The following XPC variants were observed in gnomAD, a reference collection of about 807,000 sequenced individuals.
The protein encoded by XPC is DNA repair protein complementing XP-C cells.
In XPC, 76 loss-of-function variants were observed where a neutral mutation model predicts 95.8. That is an observed-to-expected ratio of 0.79 (90% CI 0.66 to 0.96). The LOEUF (loss-of-function observed/expected upper bound fraction) is 0.96, where lower values mean the gene tolerates loss of function less well. Among genes scored for constraint, XPC ranks in the 40% least tolerant of loss-of-function variants. XPC has a pLI of 0.00. For synonymous variants in XPC, 442 were observed against 442.1 expected, an observed-to-expected ratio of 1.00 and a Z score of 0.00; for missense variants, 1,146 against 1,179.8, an observed-to-expected ratio of 0.97 and a Z score of 0.42.
rs1696583028 is a variant in XPC, at chr3:14,170,851, CA to C, written c.300-302del. Among the ~76,000 whole-genome samples, 4 of 152,052 alleles carry C rather than the reference CA, an allele frequency of 2.6e-5. No individual in the cohort carries two copies. The South Asian group carries it at 8.3e-4, about 31-fold the overall frequency. ...ATGACAAGGAAAAATTAGAAGACAC[CA>C]AAATAATAATGAGTTCCAGAACTGT... On this transcript the variant is annotated intron_variant, in intron 2 of 15. Transcript: ENST00000285021.
intron 7 of XPC, among the ~76,000 whole-genome samples, chr3:14,164,115 A>G (rs1450875803): frequency 6.6e-6 from 1 of 152,258 alleles, no homozygotes. Context: ...GCCTTGCCAA[A>G]TATCTTAGAC....
chr3:14,172,279 A>G (rs1327332939), intron 2 of XPC, among the ~76,000 whole-genome samples: 1 of 152,202 alleles, frequency 6.6e-6, no homozygotes, highest in Non-Finnish European at 1.5e-5. Context: ...GGTATGTGGC[A>G]TGGTAACAAT....
intron 3 of XPC, among the ~76,000 whole-genome samples, chr3:14,169,454 C>T (rs1382472625): frequency 1.3e-5 from 2 of 151,982 alleles, no homozygotes; most frequent in East Asian, 3.9e-4. Flanking sequence ...TAGGATCCTT[C>T]AAAAAAGGCA....
chr3:14,159,798 G>C lies in XPC; in HGVS notation c.933C>G (p.Leu311=). The C allele has an allele frequency of 1.3e-6, 2 of 1,560,416 alleles. No homozygotes were observed. Among genetic ancestry groups the C allele is most frequent in the South Asian group, 1.2e-5 (1 of 84,476 alleles). ...GTAGAGACAATACCAGCCGGGTCAA[G>C]AGCTGCAGAGCCCGGAGAATCAGTA... ...IFLLILRALQ[L]LTRLVLSLQP... The change falls in exon 8 of 16, where the codon CTC becomes CTG. Residue 311 remains leucine (L), a synonymous_variant. Coordinates refer to ENST00000285021, the MANE Select transcript of XPC (RefSeq NM_004628.5).
intron 7 of XPC, among the ~76,000 whole-genome samples, chr3:14,160,053 T>C (rs980229608): frequency 2.6e-4 from 39 of 152,184 alleles, no homozygotes; most frequent in African/African-American, 8.4e-4. Flanking sequence ...TAAAGGAAAA[T>C]AGAAGTTTTC....
Position 14,145,413 on chromosome 3 carries a change from A to G in XPC, c.*528T>C. The G allele has an allele frequency of 1.4e-6, 1 of 698,544 alleles. No homozygotes were observed. 43.3% of individuals were successfully genotyped at this position (698,544 alleles called of 1,614,324 possible). ...CTTCTCTGCTCTCTCCCCTACTGCA[A>G]AGAGGCAGTGAGGGCAGCATTAGTA... On this transcript the variant is annotated 3_prime_UTR_variant, in exon 16 of 16. Coordinates refer to ENST00000285021, the MANE Select transcript of XPC (RefSeq NM_004628.5).
rs184895099 is a variant in XPC at position 14,148,414 on chromosome 3, C to T, written c.2420+148G>A. On this transcript the variant is annotated intron_variant, in intron 13 of 15. Coordinates refer to ENST00000285021, the MANE Select transcript of XPC (RefSeq NM_004628.5). Reference sequence around the variant, plus strand: ...GAGGGAAGCCAGAATTGGTAAAGCACTGACTTTGCAAATCCAGTGTAACAT... The same window carrying T: ...GAGGGAAGCCAGAATTGGTAAAGCATTGACTTTGCAAATCCAGTGTAACAT... The T allele has an allele frequency of 4.7e-5, 53 of 1,119,644 alleles. No homozygotes were observed. In the Admixed American group the frequency reaches 1.1e-3, roughly 23 times the overall value. 69.4% of individuals were successfully genotyped at this position (1,119,644 alleles called of 1,614,324 possible). A position where few individuals can be genotyped will look rare whatever the true frequency, so the allele number is the denominator to read the frequency against.
At chr3:14,170,222 C>T (rs1305106426) in intron 3 of XPC, among the ~76,000 whole-genome samples, 1 of 152,238 alleles carries the variant, frequency 6.6e-6, no homozygotes, top group Non-Finnish European at 1.5e-5. Context: ...ACCCCATTGA[C>T]AGTCACCAGA....
chr3:14,165,356 C>T, intron 6 of XPC, 72 bp downstream of exon 6: 12 of 1,496,936 alleles, frequency 8.0e-6, no homozygotes, highest in Non-Finnish European at 9.9e-6. Context: ...GTGGAAGTGA[C>T]CTGAACCCAG....
chr3:14,147,100 G>A lies in XPC; in HGVS notation c.2604+190C>T, dbSNP rs967375148. 2.0e-5 allele frequency among the ~76,000 whole-genome samples: 3 copies of A among 152,204 alleles called. No individual in the cohort carries two copies. The South Asian group carries it at 6.2e-4, about 31-fold the overall frequency. On this transcript the variant is annotated intron_variant, in intron 15 of 15. Transcript: ENST00000285021. The stretch of plus-strand genomic sequence containing the variant: ...GGCTTGGGGCAGAAGAGCCAGCTGA[G>A]GCCTCACTCCAGGGACACCTTTCCC...
chr3:14,151,248 G>A (rs1318019319), intron 11 of XPC: 1 of 152,130 alleles, frequency 6.6e-6, no homozygotes, highest in East Asian at 1.9e-4. Context: ...GGAACAAAAT[G>A]GATTTAAATA....
chr3:14,148,340 G>GT (rs1176839895), intron 13 of XPC: 4 of 665,066 alleles, frequency 6.0e-6, no homozygotes, highest in East Asian at 2.8e-5. Flanking sequence ...TGGGAAGAAC[G>GT]TTTTAATCCA....
At position 14,148,811 on chromosome 3, in the gene XPC, T is replaced by A. The variant is rs1414718841; in HGVS notation, c.2250+3A>T. The A allele has an allele frequency of 6.2e-7, 1 of 1,613,968 alleles. No individual in the cohort carries two copies. Among genetic ancestry groups the A allele is most frequent in the Admixed American group, 1.7e-5 (1 of 60,016 alleles). On this transcript the variant is annotated splice_donor_region_variant and intron_variant, in intron 12 of 15. Transcript: ENST00000285021. Reference sequence around the variant, plus strand: ...TCCTGAGCCCTTCTGATGCTGCCCTTACCTTCCCGTCCACGGCCACTGGGG... The same window carrying A: ...TCCTGAGCCCTTCTGATGCTGCCCTAACCTTCCCGTCCACGGCCACTGGGG...
intron 1 of XPC, among the ~76,000 whole-genome samples, chr3:14,177,540 G>A (rs893428309): frequency 1.3e-5 from 2 of 151,950 alleles, no homozygotes; most frequent in Non-Finnish European, 2.9e-5. Flanking sequence ...GAAGAGAAAG[G>A]AGGCCAATAA....
intron 1 of XPC, among the ~76,000 whole-genome samples, chr3:14,177,172 G>T (rs1298256276): frequency 6.6e-6 from 1 of 152,040 alleles, no homozygotes; most frequent in East Asian, 1.9e-4. Flanking sequence ...ACCAACCACA[G>T]ATGAATATAT....
In XPC at chr3:14,152,279, G is replaced by A. The variant is rs993625823; in HGVS notation, c.2115+56C>T. ...TCACTTCTCTGCCCCCAGCTCTCCC[G>A]CTCAGCTACAGGCCTGTGTCACCAC... On this transcript the variant is annotated intron_variant, in intron 11 of 15. Transcript: ENST00000285021. 133 of 1,509,828 alleles carry A rather than the reference G, an allele frequency of 8.8e-5. 1 individual carries two copies. The African/African-American group carries it at 1.0e-3, about 12-fold the overall frequency. 93.5% of individuals were successfully genotyped at this position (1,509,828 alleles called of 1,614,324 possible). A position where few individuals can be genotyped will look rare whatever the true frequency, so the allele number is the denominator to read the frequency against.
intron 1 of XPC, 67 bp from the exon 2 acceptor site, chr3:14,173,129 C>T: frequency 2.1e-6 from 3 of 1,432,996 alleles, no homozygotes; most frequent in Non-Finnish European, 2.8e-6. Context: ...AGCTTATGGG[C>T]AGGGGCATAA....
intron 15 of XPC, among the ~76,000 whole-genome samples, chr3:14,146,712 G>A (rs993934834): frequency 3.3e-5 from 5 of 152,208 alleles, no homozygotes; most frequent in African/African-American, 9.6e-5. Flanking sequence ...AGGCAAACAG[G>A]CAGCACAGAG....
intron 15 of XPC, among the ~76,000 whole-genome samples, chr3:14,146,418 C>T (rs1279734429): frequency 6.6e-6 from 1 of 152,150 alleles, no homozygotes; most frequent in Admixed American, 6.5e-5. Context: ...GGGCAGGAAG[C>T]TGCCCTCTAG....
Sources: gnomAD v4.1 joint callset for allele counts (sites outside exome capture counted in the v4.1 genomes callset) on GRCh38, gnomAD v4.1.1 for gene constraint, MANE v1.5 for transcripts, NCBI Gene and HGNC (gene_info 2026-07-23, HGNC 2026-07-21) for gene names.